NIPBL: variants seen among roughly 807,000 people sequenced by gnomAD.
NIPBL encodes the protein nipped-B-like protein.
NIPBL carries 19 observed loss-of-function variants against 321.8 expected under a neutral mutation model. The observed-to-expected ratio is 0.06, with a 90% CI of 0.04 to 0.09. NIPBL has a LOEUF of 0.09. NIPBL is among the 10% of genes least tolerant of loss of function. The probability of loss-of-function intolerance (pLI) is 1.00; values close to 1 mark genes in which losing one functional copy is unlikely to be tolerated. For synonymous variants in NIPBL, 1,106 were observed against 1,114.1 expected, an observed-to-expected ratio of 0.99 and a Z score of 0.14; for missense variants, 2,210 against 3,327.0, an observed-to-expected ratio of 0.66 and a Z score of 8.26.
intron 1 of NIPBL, among the ~76,000 whole-genome samples, chr5:36,921,563 G>A (rs939165192): frequency 2.0e-5 from 3 of 152,032 alleles, no homozygotes; most frequent in Admixed American, 1.3e-4. Flanking sequence ...GGCATTTGTC[G>A]AGATAAGTTC....
At chr5:37,014,614 C>A in intron 21 of NIPBL, 69 bp from the exon 22 acceptor site, 1 of 915,046 alleles carries the variant, frequency 1.1e-6, no homozygotes, top group Non-Finnish European at 1.8e-6. Context: ...TCAGTAATAA[C>A]ATGACAATAG....
Position 37,021,867 on chromosome 5 carries a change from A to G in NIPBL, c.5329-184A>G, listed in dbSNP as rs75558037. On this transcript the variant is annotated intron_variant, in intron 27 of 46. Coordinates refer to ENST00000282516, the MANE Select transcript of NIPBL (RefSeq NM_133433.4). The stretch of plus-strand genomic sequence containing the variant: ...AAAGGCTCCAAAGTATGGACTATAC[A>G]CTTAACACCTGTACTGATTTTTAAG... 9.8e-3 allele frequency among the ~76,000 whole-genome samples: 1,495 copies of G among 152,358 alleles called. 22 individuals carry two copies. Among genetic ancestry groups the G allele is most frequent in the African/African-American group, 0.034 (1,425 of 41,582 alleles).
chr5:37,003,549 A>G (rs991924221), intron 16 of NIPBL, among the ~76,000 whole-genome samples: 1 of 152,160 alleles, frequency 6.6e-6, no homozygotes, highest in African/African-American at 2.4e-5. Context: ...TAATTTATAA[A>G]TTAAGTTTTA....
chr5:36,905,844 C>T (rs908721430), intron 1 of NIPBL, among the ~76,000 whole-genome samples: 6 of 151,788 alleles, frequency 4.0e-5, no homozygotes, highest in South Asian at 2.1e-4. Context: ...CCCGGGTTCA[C>T]GCCATTCTCC....
chr5:36,962,272 A>G lies in NIPBL; in HGVS notation c.608A>G (p.Gln203Arg). ...TACACAACACATCCACAGATGCAAC[A>G]AGGTAAGAAAGTTGTTTGTAACTTC... is the stretch of plus-strand genomic sequence containing the variant. ...SSYTTHPQMQ[Q>R]ASVSSPIVAG... is the part of the protein sequence containing the mutation. The change falls in exon 6 of 47, where the codon CAA becomes CGA. Residue 203 changes from glutamine to arginine, a missense_variant and splice_region_variant. Physicochemically the swap from Gln to Arg is conservative, Grantham distance 43. This residue lies in a region of NIPBL where 464 missense variants were observed against 529.5 expected (regional missense o/e 0.88). Coordinates refer to ENST00000282516, the MANE Select transcript of NIPBL (RefSeq NM_133433.4). 1 of 1,614,040 alleles carries G rather than the reference A, an allele frequency of 6.2e-7. No homozygotes were observed. The highest frequency in any genetic ancestry group is 8.5e-7 in the Non-Finnish European group (1 of 1,179,922).
chr5:36,956,370 T>C (rs1411058588), intron 3 of NIPBL, among the ~76,000 whole-genome samples: 1 of 152,172 alleles, frequency 6.6e-6, no homozygotes, highest in Non-Finnish European at 1.5e-5. Context: ...TCGCATTCTT[T>C]ATTTTTTTAA....
intron 1 of NIPBL, among the ~76,000 whole-genome samples, chr5:36,924,174 A>G (rs1159808155): frequency 1.3e-5 from 2 of 152,182 alleles, no homozygotes; most frequent in Non-Finnish European, 2.9e-5. Flanking sequence ...TCTTGAACTA[A>G]TATCCAAATT....
intron 45 of NIPBL, 75 bp from the exon 46 acceptor site, chr5:37,063,715 G>T (rs1331481865): frequency 6.8e-7 from 1 of 1,461,656 alleles, no homozygotes; most frequent in East Asian, 2.5e-5. Context: ...TACTGCCATA[G>T]AAAACATTTA....
At chr5:37,001,145 C>G (rs1029975833) in intron 14 of NIPBL, 67 bp downstream of exon 14, 49 of 1,022,936 alleles carry the variant, frequency 4.8e-5, no homozygotes, top group Non-Finnish European at 6.8e-5. Context: ...TAGAGTAACT[C>G]AGTTACTCTA....
intron 1 of NIPBL, among the ~76,000 whole-genome samples, chr5:36,878,536 G>T (rs982924399): frequency 2.6e-5 from 4 of 152,184 alleles, no homozygotes; most frequent in Non-Finnish European, 4.4e-5. Context: ...ACTTTCATTG[G>T]TTAAAATGAA....
intron 10 of NIPBL, among the ~76,000 whole-genome samples, chr5:36,993,182 G>A (rs573108131): frequency 2.0e-5 from 3 of 152,296 alleles, no homozygotes; most frequent in East Asian, 1.9e-4. Flanking sequence ...ATGAAACAGC[G>A]TTCACTTTTG....
intron 1 of NIPBL, among the ~76,000 whole-genome samples, chr5:36,930,603 A>G (rs554104621): frequency 2.0e-4 from 31 of 152,238 alleles, no homozygotes; most frequent in African/African-American, 6.7e-4. Context: ...TAAAACCTAC[A>G]GGACAATATT....
At chr5:36,979,035 T>G (rs2149633662) in intron 9 of NIPBL, among the ~76,000 whole-genome samples, 1 of 152,160 alleles carries the variant, frequency 6.6e-6, no homozygotes, top group East Asian at 1.9e-4. Flanking sequence ...GCCACCAGCT[T>G]TATTCTTTTT....
intron 6 of NIPBL, among the ~76,000 whole-genome samples, chr5:36,962,503 A>T (rs879508321): frequency 1.3e-5 from 2 of 152,182 alleles, no homozygotes; most frequent in Non-Finnish European, 2.9e-5. Flanking sequence ...GGCTTTTTGG[A>T]TTCAGTTATT....
At chr5:37,028,107 A>G (rs1184300517) in intron 32 of NIPBL, among the ~76,000 whole-genome samples, 2 of 152,102 alleles carry the variant, frequency 1.3e-5, no homozygotes, top group Non-Finnish European at 2.9e-5. Context: ...TTCCTTTAGT[A>G]GTACAGAGTC....
At chr5:36,886,364 G>A in intron 1 of NIPBL, 3 of 717,424 alleles carry the variant, frequency 4.2e-6, no homozygotes, top group East Asian at 2.5e-5. Flanking sequence ...CTTGAAGATG[G>A]CAAGAACTTC....
chr5:37,007,872 C>G lies in NIPBL; in HGVS notation c.4240-136C>G. The G allele has an allele frequency of 5.9e-6, 4 of 678,552 alleles. No homozygotes were observed. The South Asian group carries it at 6.7e-5, about 11-fold the overall frequency. 42.0% of individuals were successfully genotyped at this position (678,552 alleles called of 1,614,324 possible). On this transcript the variant is annotated intron_variant, in intron 18 of 46. Coordinates refer to ENST00000282516, the MANE Select transcript of NIPBL (RefSeq NM_133433.4). ...AGGGAAACAGAGAAAAGAATAGATGCTGATTAGGTGGGGAAAAGAAAAAAT... is the reference window on the plus strand; with the variant it reads ...AGGGAAACAGAGAAAAGAATAGATGGTGATTAGGTGGGGAAAAGAAAAAAT...
rs746357461 is a variant in NIPBL at position 37,026,302 on chromosome 5, G to A, written c.5783G>A (p.Arg1928Lys). The A allele has an allele frequency of 3.7e-6, 6 of 1,610,428 alleles. No homozygotes were observed. Among genetic ancestry groups the A allele is most frequent in the Non-Finnish European group, 5.1e-6 (6 of 1,177,024 alleles). The change falls in exon 31 of 47, where the codon AGG (arginine) becomes AAG (lysine). Residue 1928 changes from arginine (R) to lysine (K), a missense_variant. Physicochemically the swap from Arg to Lys is conservative, Grantham distance 26. Transcript: ENST00000282516. ...CACAATGACAAAGAAGCAATGACAAGGAAAATTTTAAACATTACCGATGTG... is the reference window on the plus strand; with the variant it reads ...CACAATGACAAAGAAGCAATGACAAAGAAAATTTTAAACATTACCGATGTG... ...TPHNDKEAMT[R>K]KILNITDVVA...
intron 1 of NIPBL, among the ~76,000 whole-genome samples, chr5:36,952,059 C>CGCGCGT (rs1554010202): frequency 1.7e-4 from 13 of 74,494 alleles, no homozygotes; most frequent in African/African-American, 6.1e-4. Flanking sequence ...TGTGTGCGCG[C>CGCGCGT]GCGCGCGCGC....
Sources: gnomAD v4.1 joint callset for allele counts (sites outside exome capture counted in the v4.1 genomes callset) on GRCh38, gnomAD v4.1.1 for gene constraint, gnomAD v4.1.1 regional missense constraint, MANE v1.5 for transcripts, NCBI Gene and HGNC (gene_info 2026-07-23, HGNC 2026-07-21) for gene names.